The following SLC35F2 variants were observed in gnomAD, a reference collection of about 807,000 sequenced individuals.
The protein encoded by SLC35F2 is solute carrier family 35 member F2.
SLC35F2 carries 25 observed loss-of-function variants against 38.1 expected under a neutral mutation model. The ratio of observed to expected loss-of-function variants is 0.66; its 90% CI spans 0.48 to 0.92. The LOEUF (loss-of-function observed/expected upper bound fraction) is 0.92, where lower values mean the gene tolerates loss of function less well. Among genes scored for constraint, SLC35F2 ranks in the 40% least tolerant of loss-of-function variants. The pLI, the probability that SLC35F2 is intolerant of heterozygous loss-of-function variation, is 0.00. For synonymous variants in SLC35F2, 173 were observed against 181.7 expected, an observed-to-expected ratio of 0.95 and a Z score of 0.38; for missense variants, 409 against 452.9, an observed-to-expected ratio of 0.90 and a Z score of 0.88.
At chr11:107,802,773 C>A (rs1383670001) in intron 7 of SLC35F2, among the ~76,000 whole-genome samples, 1 of 152,154 alleles carries the variant, frequency 6.6e-6, no homozygotes, top group Non-Finnish European at 1.5e-5. Context: ...CTGGGCCATA[C>A]CATCGAAGAT....
intron 1 of SLC35F2, among the ~76,000 whole-genome samples, chr11:107,857,061 G>T (rs898992252): frequency 2.0e-5 from 3 of 147,348 alleles, no homozygotes; most frequent in African/African-American, 7.6e-5. Flanking sequence ...GGGGCGGAGG[G>T]AGGGAACTGG....
At chr11:107,797,764 G>C (rs764557884) in intron 7 of SLC35F2, among the ~76,000 whole-genome samples, 2 of 152,068 alleles carry the variant, frequency 1.3e-5, no homozygotes, top group Non-Finnish European at 2.9e-5. Flanking sequence ...ACAGGAAAAT[G>C]CTTCCTGGAT....
At chr11:107,809,929 G>A (rs552292164) in intron 3 of SLC35F2, 2 of 985,410 alleles carry the variant, frequency 2.0e-6, no homozygotes, top group African/African-American at 1.7e-5. Flanking sequence ...GAAATGGGTT[G>A]ATGTGGCAGT....
intron 2 of SLC35F2, among the ~76,000 whole-genome samples, chr11:107,812,245 C>G (rs1270740092): frequency 6.6e-6 from 1 of 152,104 alleles, no homozygotes; most frequent in Non-Finnish European, 1.5e-5. Context: ...AGTTTCCATT[C>G]TTCATAACCC....
chr11:107,855,418 C>T (rs1165207103), intron 1 of SLC35F2, among the ~76,000 whole-genome samples: 1 of 151,908 alleles, frequency 6.6e-6, no homozygotes, highest in African/African-American at 2.4e-5. Flanking sequence ...TTTGGGAGGC[C>T]GAGGCGGGCG....
chr11:107,834,419 G>A (rs1398789719), intron 1 of SLC35F2, among the ~76,000 whole-genome samples: 1 of 152,170 alleles, frequency 6.6e-6, no homozygotes, highest in African/African-American at 2.4e-5. Flanking sequence ...GGGAGGCTAA[G>A]GTGGGTGGAT....
intron 1 of SLC35F2, among the ~76,000 whole-genome samples, chr11:107,830,133 C>T (rs1057306625): frequency 6.6e-6 from 1 of 151,872 alleles, no homozygotes; most frequent in Non-Finnish European, 1.5e-5. Flanking sequence ...ATTAAAAACT[C>T]ATTGTGATAT....
chr11:107,795,133 T>A (rs1859197887), intron 7 of SLC35F2, among the ~76,000 whole-genome samples: 1 of 152,184 alleles, frequency 6.6e-6, no homozygotes, highest in South Asian at 2.1e-4. Flanking sequence ...AATCTATAAA[T>A]TCAGTGCAAT....
intron 3 of SLC35F2, among the ~76,000 whole-genome samples, chr11:107,807,151 A>T (rs1016985287): frequency 6.6e-6 from 1 of 151,842 alleles, no homozygotes; most frequent in African/African-American, 2.4e-5. Flanking sequence ...AAATGGGATG[A>T]CAGCTGGGCA....
chr11:107,803,564 A>G (rs1859348010), intron 6 of SLC35F2: 2 of 904,434 alleles, frequency 2.2e-6, no homozygotes, highest in Admixed American at 6.2e-5. Context: ...TTGGTTGGAC[A>G]TGATTTGTAT....
chr11:107,812,285 A>AT lies in SLC35F2; in HGVS notation c.287-492dup, dbSNP rs374124833. On this transcript the variant is annotated intron_variant, in intron 2 of 7. Transcript: ENST00000525815. ...TCCTGCAACAGCTCACCAGAGTTAG[A>AT]TTTTTTTCTAGCATGAAACCCTAGT... Among the ~76,000 whole-genome samples, 16 of 152,248 alleles carry AT rather than the reference A, an allele frequency of 1.1e-4. 1 individual carries two copies. The highest frequency in any genetic ancestry group is 3.6e-4 in the African/African-American group (15 of 41,550).
Position 107,805,402 on chromosome 11 carries a change from CT to C in SLC35F2, c.687del (p.Gly230GlufsTer16). 6.2e-7 allele frequency: 1 copy of C among 1,614,118 alleles called. No homozygotes were observed. Among genetic ancestry groups the C allele is most frequent in the Non-Finnish European group, 8.5e-7 (1 of 1,180,008 alleles). ...ATTGTTCCAAACAGGCCCACCATTC[CT>C]AAAAACTCCTGTCTGCTCAGCTTCT... ...IVKKLSRQEF[L>X]GMVGLFGTII... On this transcript the variant is annotated frameshift_variant, in exon 5 of 8. Coordinates refer to ENST00000525815, the MANE Select transcript of SLC35F2 (RefSeq NM_017515.5). LOFTEE classifies it high-confidence loss of function.
chr11:107,841,128 C>A (rs1047143633), intron 1 of SLC35F2, among the ~76,000 whole-genome samples: 4 of 152,200 alleles, frequency 2.6e-5, no homozygotes, highest in African/African-American at 9.7e-5. Flanking sequence ...ATCGGGGAAC[C>A]TGATGCAAGC....
intron 1 of SLC35F2, among the ~76,000 whole-genome samples, chr11:107,825,361 CTTTT>C (rs112751391): frequency 4.0e-5 from 5 of 123,648 alleles, no homozygotes; most frequent in Non-Finnish European, 8.7e-5. Flanking sequence ...GCATTTCTTT[CTTTT>C]TTTTTTTTTT....
chr11:107,842,974 G>A (rs762421031), intron 1 of SLC35F2, among the ~76,000 whole-genome samples: 1 of 152,100 alleles, frequency 6.6e-6, no homozygotes, highest in Non-Finnish European at 1.5e-5. Context: ...ATTACAAAGA[G>A]TCAAAGTGAG....
chr11:107,808,992 A>G (rs958370526), intron 3 of SLC35F2, among the ~76,000 whole-genome samples: 4 of 152,204 alleles, frequency 2.6e-5, no homozygotes, highest in Admixed American at 6.5e-5. Flanking sequence ...CTATGTCATG[A>G]TCAGAGCTCC....
chr11:107,792,452 A>T lies in SLC35F2; in HGVS notation c.*163T>A. ...GTTTCTGCTCTATTTTGGTATTTCT[A>T]CTTTTGAACTTTGTTCAGTGTTCCT... On this transcript the variant is annotated 3_prime_UTR_variant, in exon 8 of 8. Coordinates refer to ENST00000525815, the MANE Select transcript of SLC35F2 (RefSeq NM_017515.5). The T allele has an allele frequency of 4.0e-6, 3 of 749,992 alleles. No individual in the cohort carries two copies. Among genetic ancestry groups the T allele is most frequent in the Non-Finnish European group, 6.1e-6 (3 of 493,636 alleles). The allele number at this position is 749,992 out of a possible 1,614,324, so 46.5% of individuals were successfully genotyped here. A position where few individuals can be genotyped will look rare whatever the true frequency, so the allele number is the denominator to read the frequency against.
intron 1 of SLC35F2, among the ~76,000 whole-genome samples, chr11:107,835,596 A>C (rs1859919022): frequency 6.6e-6 from 1 of 151,934 alleles, no homozygotes; most frequent in Non-Finnish European, 1.5e-5. Flanking sequence ...TGCCCAGCTA[A>C]TTTTTTTATT....
intron 2 of SLC35F2, among the ~76,000 whole-genome samples, chr11:107,813,598 T>G (rs1239990718): frequency 6.6e-6 from 1 of 152,212 alleles, no homozygotes; most frequent in African/African-American, 2.4e-5. Context: ...ACCAAATTCC[T>G]GAAGGCCAAT....
Sources: gnomAD v4.1 joint callset for allele counts (sites outside exome capture counted in the v4.1 genomes callset) on GRCh38, gnomAD v4.1.1 for gene constraint, MANE v1.5 for transcripts, NCBI Gene and HGNC (gene_info 2026-07-23, HGNC 2026-07-21) for gene names.